SENP2: variants seen among roughly 807,000 people sequenced by gnomAD.
SENP2 encodes the protein SUMO specific peptidase 2.
A neutral mutation model predicts 86.3 loss-of-function variants in SENP2; 16 were observed. That is an observed-to-expected ratio of 0.19 (90% CI 0.13 to 0.28). The LOEUF (loss-of-function observed/expected upper bound fraction) is 0.28. SENP2 is among the 10% of genes least tolerant of loss of function. The pLI is 1.00. For synonymous variants in SENP2, 222 were observed against 238.7 expected, an observed-to-expected ratio of 0.93 and a Z score of 0.64; for missense variants, 552 against 703.0, an observed-to-expected ratio of 0.79 and a Z score of 2.43.
chr3:185,611,833 T>C, intron 8 of SENP2, 88 bp downstream of exon 8: 1 of 930,290 alleles, frequency 1.1e-6, no homozygotes, highest in Non-Finnish European at 1.6e-6. Context: ...GACATTCAAG[T>C]GTAGATGGTG....
In SENP2 at chr3:185,613,340, C is replaced by G. The variant is rs369766822; in HGVS notation, c.870-5C>G. ...AGTCTATCATCTCTCAATTTTTTTC[C>G]TTAGGTGTTCAAAGGGGAAAATTAC... On this transcript the variant is annotated splice_polypyrimidine_tract_variant and splice_region_variant and intron_variant, in intron 9 of 16. Transcript: ENST00000296257. 1.8e-5 allele frequency: 28 copies of G among 1,542,580 alleles called. No individual in the cohort carries two copies. The African/African-American group carries it at 3.9e-4, about 21-fold the overall frequency.
intron 8 of SENP2, 113 bp downstream of exon 8, chr3:185,611,858 C>A: frequency 1.3e-6 from 1 of 782,972 alleles, no homozygotes; most frequent in Non-Finnish European, 2.0e-6. Flanking sequence ...AAAATACTGT[C>A]AAATCTCACA....
intron 16 of SENP2, among the ~76,000 whole-genome samples, chr3:185,629,575 CAAAA>C (rs34843707): frequency 8.5e-6 from 1 of 117,056 alleles, no homozygotes; most frequent in South Asian, 2.4e-4. Flanking sequence ...GACTCCATCT[CAAAA>C]AAAAAAAAAA....
chr3:185,612,928 C>G (rs1722743046), intron 9 of SENP2, among the ~76,000 whole-genome samples: 1 of 152,138 alleles, frequency 6.6e-6, no homozygotes, highest in Admixed American at 6.5e-5. Context: ...GTGGGGATGT[C>G]TAGTGTCAGT....
rs549095345 is a variant in SENP2 at position 185,586,421 on chromosome 3, G to C, written c.8G>C (p.Arg3Thr). 10 of 1,614,076 alleles carry C rather than the reference G, an allele frequency of 6.2e-6. No individual in the cohort carries two copies. The highest frequency in any genetic ancestry group is 2.2e-5 in the East Asian group (1 of 44,880). MY[R>T]WLVRILGTIF... ...CTGCTGCTTGGGCCTGGTATGTACA[G>C]ATGGCTGGTTAGGATTCTCGGCACC... Residue 3 changes from arginine (R) to threonine (T), a missense_variant, in exon 1 of 17, where the codon AGA becomes ACA. This residue lies in a region of SENP2 where 383 missense variants were observed against 427.3 expected (regional missense o/e 0.90). Transcript: ENST00000296257. The surrounding 1 kb of genome is among the most constrained non-coding windows in gnomAD (Gnocchi z 4.3).
intron 14 of SENP2, among the ~76,000 whole-genome samples, chr3:185,623,358 G>A: frequency 6.9e-6 from 1 of 145,192 alleles, no homozygotes; most frequent in South Asian, 2.2e-4. Context: ...CAGGCTGGTC[G>A]CAAACTCCCG....
intron 5 of SENP2, among the ~76,000 whole-genome samples, chr3:185,604,620 C>G (rs1414224534): frequency 1.3e-5 from 2 of 152,186 alleles, no homozygotes; most frequent in African/African-American, 2.4e-5. Flanking sequence ...GGCAAATAAC[C>G]TGACCTAGAT....
chr3:185,602,606 T>C (rs1042317019), intron 5 of SENP2, among the ~76,000 whole-genome samples: 1 of 152,050 alleles, frequency 6.6e-6, no homozygotes, highest in Non-Finnish European at 1.5e-5. Context: ...GAATCATCAA[T>C]TGAGCCAAAA....
Position 185,617,591 on chromosome 3 carries a change from T to A in SENP2, c.1222T>A (p.Tyr408Asn), listed in dbSNP as rs1239626150. ...TRGDIQTLKNYHWLNDEVINF... is the reference protein window; with the variant it reads ...TRGDIQTLKNNHWLNDEVINF... ...AGGAGATATTCAGACATTAAAGAAC[T>A]ATCACTGGCTCAATGATGAAGTAAG... Residue 408 changes from tyrosine to asparagine, a missense_variant, in exon 12 of 17, where the codon TAT becomes AAT. This residue lies in a region of SENP2 where 169 missense variants were observed against 275.7 expected (regional missense o/e 0.61). Coordinates refer to ENST00000296257, the MANE Select transcript of SENP2 (RefSeq NM_021627.3). 3 of 1,613,624 alleles carry A rather than the reference T, an allele frequency of 1.9e-6. No individual in the cohort carries two copies. The highest frequency in any genetic ancestry group is 2.5e-6 in the Non-Finnish European group (3 of 1,179,712).
chr3:185,598,274 G>C, intron 2 of SENP2, 138 bp from the exon 3 acceptor site: 1 of 880,702 alleles, frequency 1.1e-6, no homozygotes, highest in Non-Finnish European at 1.8e-6. Context: ...CCAAAGTGTT[G>C]GGATTACAGG....
At chr3:185,618,005 C>T (rs985880799) in intron 12 of SENP2, among the ~76,000 whole-genome samples, 6 of 152,284 alleles carry the variant, frequency 3.9e-5, no homozygotes, top group South Asian at 2.1e-4. Flanking sequence ...AGTGCAATGG[C>T]GCAATCTTGG....
chr3:185,605,377 A>G lies in SENP2; in HGVS notation c.450-953A>G, dbSNP rs76029614. On this transcript the variant is annotated intron_variant, in intron 5 of 16. Transcript: ENST00000296257. ...CAAGAGTGAAACTTCGTCGAAAAAA[A>G]AAAGAATAAGGGCATTCACTTACAT... Among the ~76,000 whole-genome samples, 290 of 152,144 alleles carry G rather than the reference A, an allele frequency of 1.9e-3. 3 individuals carry two copies. The highest frequency in any genetic ancestry group is 0.011 in the East Asian group (57 of 5,124).
Position 185,626,245 on chromosome 3 carries a change from G to C in SENP2, c.1612-53G>C, listed in dbSNP as rs545432208. Reference sequence around the variant, plus strand: ...TATTTAGAAAAAGTCCAAGGAATTTGTATTTAATGATGTTTTACCCTTTCC... The same window carrying C: ...TATTTAGAAAAAGTCCAAGGAATTTCTATTTAATGATGTTTTACCCTTTCC... On this transcript the variant is annotated intron_variant, in intron 15 of 16. Coordinates refer to ENST00000296257, the MANE Select transcript of SENP2 (RefSeq NM_021627.3). The C allele has an allele frequency of 4.1e-5, 48 of 1,170,058 alleles. No homozygotes were observed. In the South Asian group the frequency reaches 6.2e-4, roughly 15 times the overall value. The allele number at this position is 1,170,058 out of a possible 1,614,324, so 72.5% of individuals were successfully genotyped here.
At chr3:185,610,777 GA>G (rs1365279798) in intron 7 of SENP2, among the ~76,000 whole-genome samples, 1 of 151,904 alleles carries the variant, frequency 6.6e-6, no homozygotes, top group African/African-American at 2.4e-5. Context: ...CTAACACGGT[GA>G]AACCCCATCT....
intron 6 of SENP2, among the ~76,000 whole-genome samples, chr3:185,608,848 G>T (rs987355649): frequency 3.3e-5 from 5 of 152,166 alleles, no homozygotes; most frequent in Non-Finnish European, 7.3e-5. Context: ...AGCCATAGAG[G>T]TTACTGGTGA....
chr3:185,615,348 A>C (rs1711557521), intron 11 of SENP2, among the ~76,000 whole-genome samples: 1 of 152,008 alleles, frequency 6.6e-6, no homozygotes, highest in South Asian at 2.1e-4. Flanking sequence ...GAAGAAAATA[A>C]TTTCTTTTTT....
At chr3:185,612,265 T>G (rs1452666082) in intron 8 of SENP2, 1 of 195,642 alleles carries the variant, frequency 5.1e-6, no homozygotes, top group African/African-American at 2.3e-5. Flanking sequence ...TTATTATTCC[T>G]AAGCTGCTAG....
chr3:185,624,122 T>C, intron 15 of SENP2, 40 bp downstream of exon 15: 1 of 1,409,166 alleles, frequency 7.1e-7, no homozygotes, highest in Non-Finnish European at 1.0e-6. Context: ...CTTGGTTGCA[T>C]TTACTAATAG....
chr3:185,596,171 T>C (rs896020965), intron 2 of SENP2, among the ~76,000 whole-genome samples: 7 of 151,918 alleles, frequency 4.6e-5, no homozygotes, highest in African/African-American at 1.7e-4. Context: ...GCCATGATGG[T>C]CAGGCTGGTC....
Sources: allele counts gnomAD v4.1 joint callset (sites outside exome capture counted in the v4.1 genomes callset), GRCh38; gene constraint gnomAD v4.1.1; regional missense constraint gnomAD v4.1.1; non-coding constraint Gnocchi (gnomAD v3.1); transcripts MANE v1.5; gene names NCBI Gene and HGNC (gene_info 2026-07-23, HGNC 2026-07-21).